The following RIF1 variants were observed in gnomAD, a reference collection of about 807,000 sequenced individuals.
The protein encoded by RIF1 is replication timing regulatory factor 1, also known as telomere-associated protein RIF1.
In RIF1, 45 loss-of-function variants were observed where a neutral mutation model predicts 247.1. The ratio of observed to expected loss-of-function variants is 0.18; its 90% CI spans 0.14 to 0.23. The LOEUF is 0.23. RIF1 is among the 10% of genes least tolerant of loss of function. The pLI is 1.00. For synonymous variants in RIF1, 1,087 were observed against 978.8 expected, an observed-to-expected ratio of 1.11 and a Z score of -2.06; for missense variants, 2,967 against 2,862.5, an observed-to-expected ratio of 1.04 and a Z score of -0.83.
At chr2:151,502,989 AG>A in intron 11 of RIF1, 1 of 673,690 alleles carries the variant, frequency 1.5e-6, no homozygotes. Context: ...GCAGTTTTTT[AG>A]TAAGTAATAT....
At chr2:151,496,712 C>G (rs577370516) in intron 10 of RIF1, among the ~76,000 whole-genome samples, 2 of 151,946 alleles carry the variant, frequency 1.3e-5, no homozygotes, top group East Asian at 3.9e-4. Context: ...CGGAAAAACT[C>G]ATTTTTAAAA....
At chr2:151,500,630 C>G (rs1261244217) in intron 11 of RIF1, among the ~76,000 whole-genome samples, 1 of 133,776 alleles carries the variant, frequency 7.5e-6, no homozygotes, top group Non-Finnish European at 1.5e-5. Flanking sequence ...GGGTCTCACT[C>G]CTGTTGCCTA....
chr2:151,529,089 G>T, the RIF1 span: 1 of 720,602 alleles, frequency 1.4e-6, no homozygotes, highest in Non-Finnish European at 2.5e-6. Flanking sequence ...CCTGGGGCCT[G>T]ACTCTTGCTT....
the RIF1 span, chr2:151,513,564 G>C: frequency 6.4e-7 from 1 of 1,558,130 alleles, no homozygotes; most frequent in African/African-American, 1.4e-5. Flanking sequence ...GATTGACATC[G>C]AATAGTAGCA....
chr2:151,450,376 TC>T (rs1694088209), intron 20 of RIF1, among the ~76,000 whole-genome samples: 1 of 152,154 alleles, frequency 6.6e-6, no homozygotes, highest in Non-Finnish European at 1.5e-5. Context: ...ATCAGGTATC[TC>T]CCTGATTATG....
At chr2:151,429,423 C>T (rs574598207) in intron 9 of RIF1, among the ~76,000 whole-genome samples, 1 of 152,132 alleles carries the variant, frequency 6.6e-6, no homozygotes, top group Non-Finnish European at 1.5e-5. Flanking sequence ...TCAAGTGATC[C>T]GCCCTCCTTG....
At position 151,465,384 on chromosome 2, in the gene RIF1, A is replaced by G; in HGVS notation, c.5864A>G (p.Asp1955Gly). 1 of 1,613,362 alleles carries G rather than the reference A, an allele frequency of 6.2e-7. No homozygotes were observed. Among genetic ancestry groups the G allele is most frequent in the Non-Finnish European group, 8.5e-7 (1 of 1,179,818 alleles). Residue 1955 changes from aspartate to glycine, a missense_variant, in exon 30 of 36, where the codon GAC (aspartate) becomes GGC (glycine). Physicochemically the swap from Asp to Gly is moderately conservative, Grantham distance 94 (BLOSUM62 -1). Around this residue, in one of 7 missense-constraint regions of RIF1, gnomAD observed 2,028 missense variants for 1,825.6 expected, o/e 1.11. Coordinates refer to ENST00000444746, the MANE Select transcript of RIF1 (RefSeq NM_018151.5). ...AAAAGAAATGATGACTCTGAAGCAG[A>G]CACAGCTAAACTGAATGCCAAAGAA... ...ENKRNDDSEA[D>G]TAKLNAKEVA...
rs1176107462 is a variant in RIF1, at chr2:151,463,409, A to G, written c.3889A>G (p.Thr1297Ala). The G allele has an allele frequency of 6.2e-7, 1 of 1,613,990 alleles. No homozygotes were observed. Among genetic ancestry groups the G allele is most frequent in the South Asian group, 1.1e-5 (1 of 91,034 alleles). ...SSRRAGKAEQ[T>A]GNKRSKPLMR... ...CCGGAGAGCTGGTAAAGCTGAACAAACAGGGAATAAAAGGTCTAAGCCCTT... is the reference window on the plus strand; with the variant it reads ...CCGGAGAGCTGGTAAAGCTGAACAAGCAGGGAATAAAAGGTCTAAGCCCTT... The change falls in exon 30 of 36, where the codon ACA becomes GCA. Residue 1297 changes from threonine (T) to alanine (A), a missense_variant. Physicochemically the swap from Thr to Ala is moderately conservative, Grantham distance 58. Coordinates refer to ENST00000444746, the MANE Select transcript of RIF1 (RefSeq NM_018151.5).
chr2:151,464,775 C>T lies in RIF1; in HGVS notation c.5255C>T (p.Thr1752Ile). The stretch of plus-strand genomic sequence containing the variant: ...AAGTCACTCATTGGGTTAAAGAATA[C>T]AGAAAATAATGACGTAGAGATTAGT... The part of the protein sequence containing the change: ...QEKSLIGLKN[T>I]ENNDVEISET... The change falls in exon 30 of 36, where the codon ACA (threonine) becomes ATA (isoleucine). Residue 1752 changes from threonine (T) to isoleucine (I), a missense_variant. Coordinates refer to ENST00000444746, the MANE Select transcript of RIF1 (RefSeq NM_018151.5). The T allele has an allele frequency of 6.2e-7, 1 of 1,613,804 alleles. No homozygotes were observed. Among genetic ancestry groups the T allele is most frequent in the Non-Finnish European group, 8.5e-7 (1 of 1,179,888 alleles).
downstream of RIF1, among the ~76,000 whole-genome samples, chr2:151,511,405 G>A (rs2074202178): frequency 6.6e-6 from 1 of 152,126 alleles, no homozygotes; most frequent in Non-Finnish European, 1.5e-5. Flanking sequence ...TATGTTTCCA[G>A]TAAAGGGTTG....
At chr2:151,467,485 C>T (rs976621101) in intron 30 of RIF1, among the ~76,000 whole-genome samples, 1 of 152,044 alleles carries the variant, frequency 6.6e-6, no homozygotes, top group African/African-American at 2.4e-5. Flanking sequence ...GCTGGCATTA[C>T]AGGCATGTGC....
At chr2:151,446,204 C>T (rs1241108215) in intron 19 of RIF1, among the ~76,000 whole-genome samples, 3 of 151,912 alleles carry the variant, frequency 2.0e-5, no homozygotes, top group Admixed American at 6.6e-5. Flanking sequence ...GATGGGGTTT[C>T]GCCATGTTGA....
rs1247185102 is a variant in RIF1 at position 151,489,957 on chromosome 2, T to A, written c.*416-5272T>A. 6.6e-7 allele frequency: 1 copy of A among 1,520,402 alleles called. No individual in the cohort carries two copies. Among genetic ancestry groups the A allele is most frequent in the Non-Finnish European group, 9.1e-7 (1 of 1,094,704 alleles). 94.2% of individuals were successfully genotyped at this position (1,520,402 alleles called of 1,614,324 possible). ...TTAAGAATAATTTATTTAAGTGAGT[T>A]GTTATTCACTTACTCCAGCAGTAGA... is the stretch of plus-strand genomic sequence containing the variant. On this transcript the variant is annotated intron_variant and NMD_transcript_variant, in intron 9 of 13. Coordinates refer to the RIF1 transcript ENST00000454583.
At chr2:151,514,769 G>A in the RIF1 span, 2 of 1,253,286 alleles carry the variant, frequency 1.6e-6, no homozygotes, top group Non-Finnish European at 2.3e-6. Flanking sequence ...AGTGTCACTA[G>A]TGCAATTATT....
chr2:151,505,763 G>A (rs1351619020), intron 12 of RIF1, among the ~76,000 whole-genome samples: 3 of 152,114 alleles, frequency 2.0e-5, no homozygotes, highest in Non-Finnish European at 2.9e-5. Flanking sequence ...GGACAGGGAC[G>A]CTTTGTCTCT....
chr2:151,462,358 T>C (rs768026389), intron 28 of RIF1, 36 bp downstream of exon 28: 14 of 1,480,086 alleles, frequency 9.5e-6, no homozygotes, highest in Non-Finnish European at 1.8e-6. Flanking sequence ...TATATCTGTT[T>C]TATTCATTTT....
chr2:151,415,581 A>AAG (rs1553473480), intron 4 of RIF1, among the ~76,000 whole-genome samples: 1 of 15,924 alleles, frequency 6.3e-5, no homozygotes, highest in Non-Finnish European at 5.0e-3. Flanking sequence ...AAAAAAAAAA[A>AAG]AAAAGGATAT....
chr2:151,446,579 A>G lies in RIF1; in HGVS notation c.2244+4A>G. On this transcript the variant is annotated splice_donor_region_variant and intron_variant, in intron 20 of 35. Transcript: ENST00000444746. ...TTTGGAAGATGAAGGCTTTTCTGTG[A>G]GTTTGTCCTGATGCTACCTTTTTTT... is the stretch of plus-strand genomic sequence containing the variant. 1.2e-6 allele frequency: 2 copies of G among 1,610,730 alleles called. No individual in the cohort carries two copies. Among genetic ancestry groups the G allele is most frequent in the Non-Finnish European group, 1.7e-6 (2 of 1,179,350 alleles).
chr2:151,458,364 C>G lies in RIF1; in HGVS notation c.2855+401C>G, dbSNP rs764963914. Among the ~76,000 whole-genome samples the G allele has an allele frequency of 1.2e-4, 18 of 151,434 alleles. No individual in the cohort carries two copies. The South Asian group carries it at 2.7e-3, about 23-fold the overall frequency. Reference sequence around the variant, plus strand: ...TCTCCTGCCTCAGCCTCCTGAGTAGCTGGGACTGAAGGTGCGTGCCACCAT... The same window carrying G: ...TCTCCTGCCTCAGCCTCCTGAGTAGGTGGGACTGAAGGTGCGTGCCACCAT... On this transcript the variant is annotated intron_variant, in intron 24 of 35. Coordinates refer to ENST00000444746, the MANE Select transcript of RIF1 (RefSeq NM_018151.5).
Sources: gnomAD v4.1 joint callset for allele counts (sites outside exome capture counted in the v4.1 genomes callset) on GRCh38, gnomAD v4.1.1 for gene constraint, gnomAD v4.1.1 regional missense constraint, MANE v1.5 for transcripts, NCBI Gene and HGNC (gene_info 2026-07-23, HGNC 2026-07-21) for gene names.